TCN2: variants seen among roughly 807,000 people sequenced by gnomAD.
TCN2 encodes the protein transcobalamin-2.
In TCN2, 34 loss-of-function variants were observed where a neutral mutation model predicts 48.6. That is an observed-to-expected ratio of 0.70 (90% CI 0.53 to 0.93). The LOEUF (loss-of-function observed/expected upper bound fraction) is 0.93, where lower values mean the gene tolerates loss of function less well. Ranked by LOEUF, TCN2 falls within the 40% of genes least tolerant of loss-of-function variation. TCN2 has a pLI of 0.00. For missense variants in TCN2, 652 were observed against 526.1 expected, an observed-to-expected ratio of 1.24 and a Z score of -2.34; for synonymous variants, 283 against 212.5, an observed-to-expected ratio of 1.33 and a Z score of -2.89.
chr22:30,621,612 A>G (rs2087700576), intron 7 of TCN2, among the ~76,000 whole-genome samples: 1 of 152,134 alleles, frequency 6.6e-6, no homozygotes, highest in Admixed American at 6.5e-5. Flanking sequence ...TCTCCTGAAT[A>G]GCTGGGATTA....
chr22:30,623,278 A>G (rs2087725145), intron 8 of TCN2, 195 bp downstream of exon 8: 4 of 544,968 alleles, frequency 7.3e-6, no homozygotes, highest in South Asian at 2.4e-5. Flanking sequence ...TGGAAATTCT[A>G]GGAAACCAGA....
At chr22:30,624,701 C>T (rs527382119) in intron 8 of TCN2, among the ~76,000 whole-genome samples, 2 of 152,238 alleles carry the variant, frequency 1.3e-5, no homozygotes, top group Non-Finnish European at 2.9e-5. Context: ...CTATCTCCTT[C>T]CCCCTCTGCC....
intron 6 of TCN2, 31 bp from the exon 7 acceptor site, chr22:30,617,299 C>G (rs779943006): frequency 6.2e-7 from 1 of 1,614,066 alleles, no homozygotes; most frequent in Non-Finnish European, 8.5e-7. Context: ...TGTCCTCACA[C>G]CAGCTGCCCG....
At chr22:30,609,434 C>T (rs893873368) in intron 1 of TCN2, among the ~76,000 whole-genome samples, 1 of 152,128 alleles carries the variant, frequency 6.6e-6, no homozygotes, top group Non-Finnish European at 1.5e-5. Context: ...AAGGAGGTTG[C>T]TCTGTGGTTG....
intron 4 of TCN2, 75 bp downstream of exon 4, chr22:30,614,576 C>T (rs1040624551): frequency 8.8e-6 from 14 of 1,588,878 alleles, no homozygotes; most frequent in South Asian, 6.7e-5. Flanking sequence ...GACCTCCATA[C>T]CCTGGCCCCC....
chr22:30,623,190 C>G (rs2145556703), intron 8 of TCN2, 107 bp downstream of exon 8: 5 of 1,038,602 alleles, frequency 4.8e-6, no homozygotes, highest in Non-Finnish European at 7.4e-6. Flanking sequence ...CTGGGCCACA[C>G]CTTCACAAAA....
In TCN2 at chr22:30,615,354, A is replaced by T; in HGVS notation, c.634A>T (p.Asn212Tyr). 1 of 1,614,098 alleles carries T rather than the reference A, an allele frequency of 6.2e-7. No individual in the cohort carries two copies. The highest frequency in any genetic ancestry group is 8.5e-7 in the Non-Finnish European group (1 of 1,180,028). ...CACCTGTCTGAAGCGCTCAAACTTCAACCCTGGTCGGAGACAACGGATCAC... is the reference window on the plus strand; with the variant it reads ...CACCTGTCTGAAGCGCTCAAACTTCTACCCTGGTCGGAGACAACGGATCAC... ...AFTCLKRSNF[N>Y]PGRRQRITMA... Residue 212 changes from asparagine (N) to tyrosine (Y), a missense_variant, in exon 5 of 9, where the codon AAC (asparagine) becomes TAC (tyrosine). By Grantham distance (143) the Asn-to-Tyr change is moderately radical. Coordinates refer to ENST00000215838, the MANE Select transcript of TCN2 (RefSeq NM_000355.4).
At position 30,612,953 on chromosome 22, in the gene TCN2, G is replaced by C; in HGVS notation, c.338G>C (p.Arg113Thr). 2 of 1,614,186 alleles carry C rather than the reference G, an allele frequency of 1.2e-6. No homozygotes were observed. Among genetic ancestry groups the C allele is most frequent in the Non-Finnish European group, 1.7e-6 (2 of 1,180,036 alleles). Residue 113 changes from arginine (R) to threonine (T), a missense_variant, in exon 3 of 9, where the codon AGA becomes ACA. Physicochemically the swap from Arg to Thr is moderately conservative, Grantham distance 71. Transcript: ENST00000215838. Reference protein sequence around the residue: ...GQLALYLLALRANCEFVRGHK... With the variant: ...GQLALYLLALTANCEFVRGHK... ...CTGGCCCTCTACCTGCTCGCTCTCAGAGCCAACTGTGAGTTTGTCAGGGGC... is the reference window on the plus strand; with the variant it reads ...CTGGCCCTCTACCTGCTCGCTCTCACAGCCAACTGTGAGTTTGTCAGGGGC...
Position 30,614,407 on chromosome 22 carries a change from G to T in TCN2, c.486G>T (p.Leu162=). 1 of 1,614,158 alleles carries T rather than the reference G, an allele frequency of 6.2e-7. No homozygotes were observed. Among genetic ancestry groups the T allele is most frequent in the Non-Finnish European group, 8.5e-7 (1 of 1,180,034 alleles). ...TSYYQYGLGI[L]ALCLHQKRVH... is the part of the protein sequence containing the mutation. ...ACTACCAGTATGGCCTGGGCATTCT[G>T]GCCCTGTGTCTCCACCAGAAGCGGG... The change falls in exon 4 of 9, where the codon CTG becomes CTT. Residue 162 remains leucine, a synonymous_variant. Coordinates refer to ENST00000215838, the MANE Select transcript of TCN2 (RefSeq NM_000355.4).
chr22:30,610,739 C>A, intron 1 of TCN2, 132 bp from the exon 2 acceptor site: 2 of 874,210 alleles, frequency 2.3e-6, no homozygotes, highest in Non-Finnish European at 3.7e-6. Flanking sequence ...TTTCCCCCTG[C>A]AAGTTGGTGT....
chr22:30,609,640 C>T (rs1453526171), intron 1 of TCN2, among the ~76,000 whole-genome samples: 1 of 152,078 alleles, frequency 6.6e-6, no homozygotes, highest in Non-Finnish European at 1.5e-5. Flanking sequence ...GAGACAGACC[C>T]AGAGAGCCTC....
At chr22:30,619,547 G>A (rs2087666581) in intron 7 of TCN2, among the ~76,000 whole-genome samples, 1 of 152,198 alleles carries the variant, frequency 6.6e-6, no homozygotes, top group African/African-American at 2.4e-5. Flanking sequence ...GATGAAATAA[G>A]ATGAATGTAA....
At chr22:30,614,613 C>T (rs544360008) in intron 4 of TCN2, 112 bp downstream of exon 4, 58 of 1,469,286 alleles carry the variant, frequency 3.9e-5, no homozygotes, top group South Asian at 1.1e-4. Context: ...GGGGCTCCTC[C>T]GAATCAAGTC....
At position 30,610,715 on chromosome 22, in the gene TCN2, T is replaced by G. The variant is rs56040857; in HGVS notation, c.65-156T>G. On this transcript the variant is annotated intron_variant, in intron 1 of 8. Coordinates refer to ENST00000215838, the MANE Select transcript of TCN2 (RefSeq NM_000355.4). Reference sequence around the variant, plus strand: ...CCCTCTTTTCTCCTCCCACTGCCTTTCAGTATGGCTGCATTTCCCCCTGCA... The same window carrying G: ...CCCTCTTTTCTCCTCCCACTGCCTTGCAGTATGGCTGCATTTCCCCCTGCA... Among the ~76,000 whole-genome samples, 14,720 of 152,284 alleles carry G rather than the reference T, an allele frequency of 0.097. 920 individuals are homozygous for G. Among genetic ancestry groups the G allele is most frequent in the Non-Finnish European group, 0.15 (9,921 of 68,006 alleles).
chr22:30,612,806 G>T, intron 2 of TCN2, 67 bp from the exon 3 acceptor site: 1 of 1,596,014 alleles, frequency 6.3e-7, no homozygotes, highest in African/African-American at 1.3e-5. Flanking sequence ...TGCGGGTGGG[G>T]TGGGTGCTGT....
In TCN2 at chr22:30,615,417, G is replaced by A. The variant is rs773696048; in HGVS notation, c.697G>A (p.Ala233Thr). Residue 233 changes from alanine (A) to threonine (T), a missense_variant, in exon 5 of 9, where the codon GCC (alanine) becomes ACC (threonine). Physicochemically the swap from Ala to Thr is moderately conservative, Grantham distance 58. Coordinates refer to ENST00000215838, the MANE Select transcript of TCN2 (RefSeq NM_000355.4). ...AACAGTGCGAGAGGAGATCTTGAAG[G>A]CCCAGACCCCCGAGGGCCACTTTGG... ...IRTVREEILK[A>T]QTPEGHFGNV... is the part of the protein sequence containing the mutation. The A allele has an allele frequency of 3.1e-6, 5 of 1,614,048 alleles. No individual in the cohort carries two copies. In the African/African-American group the frequency reaches 6.7e-5, roughly 22 times the overall value.
At chr22:30,612,817 AAGC>A in intron 2 of TCN2, 53 bp from the exon 3 acceptor site, 1 of 1,607,578 alleles carries the variant, frequency 6.2e-7, no homozygotes, top group Admixed American at 1.7e-5. Context: ...TGGGTGCTGT[AAGC>A]AGGCTTACGG....
At chr22:30,624,938 C>G (rs990193938) in intron 8 of TCN2, among the ~76,000 whole-genome samples, 1 of 152,106 alleles carries the variant, frequency 6.6e-6, no homozygotes, top group Non-Finnish European at 1.5e-5. Context: ...GAAATGAGGC[C>G]GGGTGCGGTG....
intron 7 of TCN2, among the ~76,000 whole-genome samples, chr22:30,618,658 T>G (rs1266488058): frequency 6.6e-6 from 1 of 151,134 alleles, no homozygotes; most frequent in Non-Finnish European, 1.5e-5. Flanking sequence ...GCCATGTATT[T>G]ATTTAGGCAA....
Sources: allele counts gnomAD v4.1 joint callset (sites outside exome capture counted in the v4.1 genomes callset), GRCh38; gene constraint gnomAD v4.1.1; transcripts MANE v1.5; gene names NCBI Gene and HGNC (gene_info 2026-07-23, HGNC 2026-07-21).